The following ERAP1 variants were observed in gnomAD, a reference collection of about 807,000 sequenced individuals.
ERAP1 encodes adipocyte-derived leucine aminopeptidase.
A neutral mutation model predicts 103.7 loss-of-function variants in ERAP1; 86 were observed. The observed-to-expected ratio is 0.83, with a 90% CI of 0.70 to 0.99. ERAP1 has a LOEUF of 0.99. ERAP1 is among the 50% of genes least tolerant of loss of function. The probability of loss-of-function intolerance (pLI) is 0.00; values close to 1 mark genes in which losing one functional copy is unlikely to be tolerated. For synonymous variants in ERAP1, 398 were observed against 402.4 expected, an observed-to-expected ratio of 0.99 and a Z score of 0.13; for missense variants, 1,009 against 1,128.4, an observed-to-expected ratio of 0.89 and a Z score of 1.52.
At chr5:96,917,392 A>G in the ERAP1 span, 4 of 1,287,658 alleles carry the variant, frequency 3.1e-6, no homozygotes, top group East Asian at 3.1e-5. Context: ...AAGTGCTGGG[A>G]TTACAGGTGT....
chr5:96,875,153 T>C, the ERAP1 span, among the ~76,000 whole-genome samples: 1 of 152,152 alleles, frequency 6.6e-6, no homozygotes, highest in Non-Finnish European at 1.5e-5. Context: ...GAAGACATGA[T>C]TGAAGGCCAT....
At chr5:96,893,164 C>G in the ERAP1 span, among the ~76,000 whole-genome samples, 1 of 152,090 alleles carries the variant, frequency 6.6e-6, no homozygotes, top group African/African-American at 2.4e-5. Context: ...GTATTACATA[C>G]AAATGTGGAA....
chr5:96,783,886 CAAAT>C (rs1210857247), intron 14 of ERAP1, 34 bp downstream of exon 14: 9 of 1,522,584 alleles, frequency 5.9e-6, no homozygotes, highest in South Asian at 2.3e-5. Context: ...CTTTTTAACA[CAAAT>C]AATAATTACA....
the ERAP1 span, among the ~76,000 whole-genome samples, chr5:96,933,654 G>T: frequency 2.0e-5 from 3 of 152,152 alleles, no homozygotes; most frequent in East Asian, 5.8e-4. Context: ...TAGACTGTAG[G>T]TTACAGGTGA....
the ERAP1 span, among the ~76,000 whole-genome samples, chr5:96,827,353 T>C: frequency 6.6e-6 from 1 of 152,186 alleles, no homozygotes; most frequent in South Asian, 2.1e-4. Context: ...TTGAAATGCT[T>C]CCCTCTGTTT....
chr5:96,866,819 AC>A, the ERAP1 span, among the ~76,000 whole-genome samples: 19 of 152,204 alleles, frequency 1.2e-4, no homozygotes, highest in African/African-American at 4.6e-4. Flanking sequence ...TCATTTGTCC[AC>A]CTTTTACTCT....
At chr5:96,837,561 G>A in the ERAP1 span, among the ~76,000 whole-genome samples, 1 of 152,198 alleles carries the variant, frequency 6.6e-6, no homozygotes, top group Non-Finnish European at 1.5e-5. Flanking sequence ...GAGTGCCTTT[G>A]GGCGCCACCA....
chr5:96,775,289 A>G lies in ERAP1; in HGVS notation c.*1107T>C. On this transcript the variant is annotated 3_prime_UTR_variant, in exon 19 of 19. Coordinates refer to ENST00000443439, the MANE Select transcript of ERAP1 (RefSeq NM_001040458.3). The stretch of plus-strand genomic sequence containing the variant: ...AAAAGAAAGAAAGACTTCAAAGCCA[A>G]AGAATGTCCTATTTGCTAATATGAG... The G allele has an allele frequency of 2.0e-6, 2 of 985,548 alleles. No homozygotes were observed. The highest frequency in any genetic ancestry group is 2.4e-6 in the Non-Finnish European group (2 of 829,906). 61.1% of individuals were successfully genotyped at this position (985,548 alleles called of 1,614,324 possible).
intron 18 of ERAP1, among the ~76,000 whole-genome samples, chr5:96,779,880 C>T (rs528350262): frequency 2.6e-5 from 4 of 152,280 alleles, no homozygotes; most frequent in Admixed American, 1.3e-4. Flanking sequence ...GGGACAATTG[C>T]GAGAATTATC....
rs765558492 is a variant in ERAP1 at position 96,781,841 on chromosome 5, C to G, written c.2299G>C (p.Val767Leu). 5.0e-6 allele frequency: 8 copies of G among 1,613,722 alleles called. No homozygotes were observed. The highest frequency in any genetic ancestry group is 1.6e-4 in the Middle Eastern group (1 of 6,080). ...SNGNLSLPVD[V>L]TLAVFAVGAQ... ...CCCACAGCAAACACTGCCAAGGTCA[C>G]GTCGACAGGCAGGCTATAGAAAGGA... The change falls in exon 16 of 19, where the codon GTG (valine) becomes CTG (leucine). Residue 767 changes from valine to leucine, a missense_variant. This residue lies in a region of ERAP1 where 611 missense variants were observed against 651.7 expected (regional missense o/e 0.94). Coordinates refer to ENST00000443439, the MANE Select transcript of ERAP1 (RefSeq NM_001040458.3).
the ERAP1 span, among the ~76,000 whole-genome samples, chr5:96,930,378 G>A: frequency 1.3e-5 from 2 of 152,216 alleles, no homozygotes; most frequent in Admixed American, 1.3e-4. Context: ...GACCCATGAA[G>A]GGGCATGAAG....
At chr5:96,841,190 G>T in the ERAP1 span, among the ~76,000 whole-genome samples, 14,344 of 152,192 alleles carry the variant, frequency 0.094, 867 homozygotes, top group Middle Eastern at 0.16. Context: ...TACATTATCT[G>T]AAAAAGGATA....
the ERAP1 span, among the ~76,000 whole-genome samples, chr5:96,816,701 T>C: frequency 2.0e-5 from 3 of 152,180 alleles, no homozygotes; most frequent in Non-Finnish European, 2.9e-5. Flanking sequence ...GGAGGGAATT[T>C]TATCCCTCCC....
At chr5:96,870,786 TTTG>T in the ERAP1 span, among the ~76,000 whole-genome samples, 26 of 152,302 alleles carry the variant, frequency 1.7e-4, no homozygotes, top group Admixed American at 7.2e-4. Flanking sequence ...GCTTTTAAGA[TTTG>T]TTAGGCAGGA....
the ERAP1 span, among the ~76,000 whole-genome samples, chr5:96,819,056 G>T: frequency 6.6e-6 from 1 of 151,994 alleles, no homozygotes; most frequent in African/African-American, 2.4e-5. Flanking sequence ...CTCCCGAGTA[G>T]CTGGGACTAC....
chr5:96,802,913 A>C (rs556086138), intron 2 of ERAP1, among the ~76,000 whole-genome samples: 1 of 152,198 alleles, frequency 6.6e-6, no homozygotes, highest in African/African-American at 2.4e-5. Flanking sequence ...CTAGGCATGG[A>C]GTACCAGGGA....
At chr5:96,790,403 T>A (rs1776600547) in intron 9 of ERAP1, 36 bp from the exon 10 acceptor site, 1 of 1,611,504 alleles carries the variant, frequency 6.2e-7, no homozygotes, top group Admixed American at 1.7e-5. Context: ...CTCTTATTTC[T>A]ATAGAAAACA....
At chr5:96,892,148 A>C in the ERAP1 span, 1 of 718,088 alleles carries the variant, frequency 1.4e-6, no homozygotes, top group East Asian at 2.7e-5. Flanking sequence ...GCGCAACTAT[A>C]AGACACCCTG....
chr5:96,809,986 A>G (rs1045468842), upstream of ERAP1, among the ~76,000 whole-genome samples: 20 of 152,238 alleles, frequency 1.3e-4, no homozygotes, highest in African/African-American at 1.9e-4. Flanking sequence ...TACAGAAGAC[A>G]GCTGAGGAGA....
Sources: gnomAD v4.1 joint callset for allele counts (sites outside exome capture counted in the v4.1 genomes callset) on GRCh38, gnomAD v4.1.1 for gene constraint, gnomAD v4.1.1 regional missense constraint, MANE v1.5 for transcripts, NCBI Gene and HGNC (gene_info 2026-07-23, HGNC 2026-07-21) for gene names.